Variants in GRIK2 observed in about 807,000 individuals in gnomAD.
GRIK2 encodes glutamate ionotropic receptor kainate type subunit 2, also known as glutamate receptor ionotropic, kainate 2.
In GRIK2, 32 loss-of-function variants were observed where a neutral mutation model predicts 100.3. That is an observed-to-expected ratio of 0.32 (90% confidence interval 0.24 to 0.43). The LOEUF (loss-of-function observed/expected upper bound fraction) is 0.43, where lower values mean the gene tolerates loss of function less well. Ranked by LOEUF, GRIK2 falls within the 20% of genes least tolerant of loss-of-function variation. GRIK2 has a pLI of 1.00. For missense variants in GRIK2, 843 were observed against 1,114.9 expected (o/e 0.76, Z 3.47); for synonymous variants, 417 against 389.4 (o/e 1.07, Z -0.83).
At chr6:101,897,222 T>G (rs1787525988) in intron 12 of GRIK2, among the ~76,000 whole-genome samples, 1 of 151,830 alleles carries the variant, frequency 6.6e-6, no homozygotes, top group African/African-American at 2.4e-5. Flanking sequence ...TCCACTTTAT[T>G]CTTTTTTTCT....
chr6:101,706,517 G>C (rs1372225776), intron 7 of GRIK2, among the ~76,000 whole-genome samples: 1 of 151,842 alleles, frequency 6.6e-6, no homozygotes, highest in Admixed American at 6.6e-5. Context: ...TCTCCTTCAT[G>C]AAACAAATGA....
intron 11 of GRIK2, among the ~76,000 whole-genome samples, chr6:101,866,647 G>T (rs1257183167): frequency 3.9e-5 from 6 of 151,988 alleles, no homozygotes; most frequent in Non-Finnish European, 8.8e-5. Flanking sequence ...ATTTAGACTA[G>T]ACTATTAGAG....
At chr6:101,982,117 G>C (rs1420853188) in intron 14 of GRIK2, among the ~76,000 whole-genome samples, 9 of 152,016 alleles carry the variant, frequency 5.9e-5, no homozygotes, top group Non-Finnish European at 4.4e-5. Context: ...ATTTGTGGTG[G>C]AGCTAGGGAA....
chr6:101,883,683 A>G (rs578256855), intron 11 of GRIK2, among the ~76,000 whole-genome samples: 2 of 152,246 alleles, frequency 1.3e-5, no homozygotes, highest in African/African-American at 4.8e-5. Context: ...AAGCAAGCAC[A>G]TGAATGAAAT....
At chr6:101,397,060 A>C (rs918317268) in intron 1 of GRIK2, among the ~76,000 whole-genome samples, 2 of 152,230 alleles carry the variant, frequency 1.3e-5, no homozygotes, top group African/African-American at 4.8e-5. Context: ...AGTTGCAACC[A>C]TAATGTAAAA....
At chr6:101,771,464 A>G (rs1278511226) in intron 7 of GRIK2, among the ~76,000 whole-genome samples, 1 of 150,026 alleles carries the variant, frequency 6.7e-6, no homozygotes, top group African/African-American at 2.4e-5. Flanking sequence ...CTCATTATTA[A>G]CCCATTTATG....
intron 2 of GRIK2, among the ~76,000 whole-genome samples, chr6:101,440,421 T>C (rs1325035784): frequency 6.6e-6 from 1 of 152,202 alleles, no homozygotes; most frequent in African/African-American, 2.4e-5. Flanking sequence ...CTTGAATCTT[T>C]ATTTCCTTAC....
At chr6:101,958,500 A>G (rs1420692812) in intron 14 of GRIK2, among the ~76,000 whole-genome samples, 1 of 151,924 alleles carries the variant, frequency 6.6e-6, no homozygotes. Flanking sequence ...CTCTTTTCCA[A>G]TTTGGATGCC....
rs1778472747 is a variant in GRIK2, at chr6:101,588,282, A to G, written c.116-33667A>G. ...ACTAAAAACAACCAAATCCAAGGAA[A>G]GATGTATATGTAAAAGCTTGAAAGC... On this transcript the variant is annotated intron_variant, in intron 2 of 16. Transcript: ENST00000369134. 1.3e-5 allele frequency among the ~76,000 whole-genome samples: 2 copies of G among 152,102 alleles called. 1 individual carries two copies. The highest frequency in any genetic ancestry group is 4.1e-4 in the South Asian group (2 of 4,828).
At chr6:102,051,253 C>CTTCCTTCT (rs71817436) in intron 15 of GRIK2, among the ~76,000 whole-genome samples, 6,698 of 59,074 alleles carry the variant, frequency 0.11, 310 homozygotes, top group East Asian at 0.14. Context: ...CCCTCCCTCC[C>CTTCCTTCT]TTCCTTCCTT....
chr6:101,882,161 G>T (rs1027568683), intron 11 of GRIK2, among the ~76,000 whole-genome samples: 1 of 151,816 alleles, frequency 6.6e-6, no homozygotes, highest in African/African-American at 2.4e-5. Context: ...TCTTCCACTG[G>T]GTCCCTCCCA....
intron 2 of GRIK2, among the ~76,000 whole-genome samples, chr6:101,542,255 A>C (rs1776035375): frequency 6.6e-6 from 1 of 152,128 alleles, no homozygotes; most frequent in African/African-American, 2.4e-5. Context: ...AAAAAAAAGA[A>C]CCATAAGAGA....
chr6:102,041,686 G>C (rs1269607855), intron 15 of GRIK2, among the ~76,000 whole-genome samples: 1 of 151,362 alleles, frequency 6.6e-6, no homozygotes, highest in African/African-American at 2.4e-5. Context: ...TCACATAATT[G>C]GATTGTGATA....
chr6:102,055,297 T>A, intron 15 of GRIK2, 33 bp from the exon 16 acceptor site: 2 of 1,541,764 alleles, frequency 1.3e-6, no homozygotes, highest in Non-Finnish European at 1.8e-6. Context: ...TTCAGGTTCC[T>A]TGAAATACTT....
intron 12 of GRIK2, among the ~76,000 whole-genome samples, chr6:101,905,183 T>C (rs1788138661): frequency 6.6e-6 from 1 of 151,558 alleles, no homozygotes; most frequent in African/African-American, 2.4e-5. Flanking sequence ...CAACTAGCAA[T>C]TTTTATCTTC....
chr6:102,004,317 A>T (rs1795099511), intron 14 of GRIK2, among the ~76,000 whole-genome samples: 4 of 126,122 alleles, frequency 3.2e-5, no homozygotes, highest in African/African-American at 6.1e-5. Flanking sequence ...ACCATTATCT[A>T]CCTCAGATCA....
rs114452816 is a variant in GRIK2 at position 101,450,174 on chromosome 6, G to A, written c.115+50782G>A. Among the ~76,000 whole-genome samples the A allele has an allele frequency of 5.6e-3, 845 of 151,686 alleles. 3 individuals are homozygous for A. The highest frequency in any genetic ancestry group is 0.02 in the African/African-American group (823 of 41,468). ...ATCATAGATAGCAAGAGAAATCTAGGAAATCATTCACAAATCACATATCAC... is the reference window on the plus strand; with the variant it reads ...ATCATAGATAGCAAGAGAAATCTAGAAAATCATTCACAAATCACATATCAC... On this transcript the variant is annotated intron_variant, in intron 2 of 16. Transcript: ENST00000369134.
Position 101,962,817 on chromosome 6 carries a change from C to A in GRIK2, c.2085+34185C>A, listed in dbSNP as rs143256690. 1.9e-3 allele frequency among the ~76,000 whole-genome samples: 285 copies of A among 151,960 alleles called. 2 individuals carry two copies. The highest frequency in any genetic ancestry group is 3.1e-3 in the Non-Finnish European group (213 of 67,954). On this transcript the variant is annotated intron_variant, in intron 14 of 16. Transcript: ENST00000369134. ...TAACTATAAAATATATTTTTTATAT[C>A]TAGTGATTGTTTTTGTTTTTCAAAC...
intron 7 of GRIK2, among the ~76,000 whole-genome samples, chr6:101,769,841 GT>G (rs1048986154): frequency 6.6e-6 from 1 of 152,130 alleles, no homozygotes; most frequent in African/African-American, 2.4e-5. Flanking sequence ...GAAGACAGAG[GT>G]TTTCAAAGAG....
Sources: gnomAD v4.1 joint callset for allele counts (sites outside exome capture counted in the v4.1 genomes callset) on GRCh38, gnomAD v4.1.1 for gene constraint, MANE v1.5 for transcripts, NCBI Gene and HGNC (gene_info 2026-07-23, HGNC 2026-07-21) for gene names.